CDR2L: variants seen among roughly 807,000 people sequenced by gnomAD.
CDR2L encodes cerebellar degeneration-related protein 2-like.
A neutral mutation model predicts 36.1 loss-of-function variants in CDR2L; 19 were observed. The ratio of observed to expected loss-of-function variants is 0.53; its 90% confidence interval spans 0.37 to 0.77. CDR2L has a LOEUF of 0.77. Among genes scored for constraint, CDR2L ranks in the 30% least tolerant of loss-of-function variants. The pLI is 0.00. For synonymous variants in CDR2L, 285 were observed against 280.4 expected, an observed-to-expected ratio of 1.02 and a Z score of -0.16; for missense variants, 575 against 627.2, an observed-to-expected ratio of 0.92 and a Z score of 0.89.
intron 1 of CDR2L, among the ~76,000 whole-genome samples, chr17:74,998,266 G>T (rs897990007): frequency 6.6e-6 from 1 of 151,890 alleles, no homozygotes; most frequent in African/African-American, 2.4e-5. Flanking sequence ...CCCAGCAACC[G>T]ATATTATAGT....
In CDR2L at chr17:74,991,489, G is replaced by A. The variant is rs1037623252; in HGVS notation, c.79+3367G>A. Among the ~76,000 whole-genome samples the A allele has an allele frequency of 6.0e-5, 9 of 150,884 alleles. No individual in the cohort carries two copies. The South Asian group carries it at 6.3e-4, about 11-fold the overall frequency. On this transcript the variant is annotated intron_variant, in intron 1 of 4. Coordinates refer to ENST00000337231, the MANE Select transcript of CDR2L (RefSeq NM_014603.3). ...TCCCAGCACTTTGGGAGGCCGAGGCGGATGGATCACAACATCAGGAGATCG... is the reference window on the plus strand; with the variant it reads ...TCCCAGCACTTTGGGAGGCCGAGGCAGATGGATCACAACATCAGGAGATCG...
chr17:75,001,625 G>T, intron 3 of CDR2L, 136 bp downstream of exon 3: 1 of 833,146 alleles, frequency 1.2e-6, no homozygotes. Context: ...GCTTGTCCTT[G>T]TCGATTTTGT....
chr17:74,989,935 G>A lies in CDR2L; in HGVS notation c.79+1813G>A, dbSNP rs1470044737. 2.6e-5 allele frequency among the ~76,000 whole-genome samples: 4 copies of A among 152,146 alleles called. No homozygotes were observed. Among genetic ancestry groups the A allele is most frequent in the Non-Finnish European group, 4.4e-5 (3 of 68,028 alleles). ...ATTACAGGCGTGAGCCACCACGCCC[G>A]GCTGGTGGCACAGTATTATGGGCAG... On this transcript the variant is annotated intron_variant, in intron 1 of 4. Coordinates refer to ENST00000337231, the MANE Select transcript of CDR2L (RefSeq NM_014603.3). The surrounding 1 kb of genome is among the most constrained non-coding windows in gnomAD (Gnocchi z 4.2).
In CDR2L at chr17:74,987,842, C is replaced by A; in HGVS notation, c.-202C>A. On this transcript the variant is annotated 5_prime_UTR_variant, in exon 1 of 5. Transcript: ENST00000337231. ...CCCGGTGCCCCCGGCTCTGCGGGACCCCGGCCGGGCCGGACCCTGGCAAAG... is the reference window on the plus strand; with the variant it reads ...CCCGGTGCCCCCGGCTCTGCGGGACACCGGCCGGGCCGGACCCTGGCAAAG... 1 of 260,690 alleles carries A rather than the reference C, an allele frequency of 3.8e-6. No individual in the cohort carries two copies. The highest frequency in any genetic ancestry group is 7.2e-6 in the Non-Finnish European group (1 of 138,082). The allele number at this position is 260,690 out of a possible 1,614,324, so 16.1% of individuals were successfully genotyped here.
At position 75,002,134 on chromosome 17, in the gene CDR2L, G is replaced by C; in HGVS notation, c.412G>C (p.Gly138Arg). The C allele has an allele frequency of 6.2e-7, 1 of 1,604,248 alleles. No homozygotes were observed. Among genetic ancestry groups the C allele is most frequent in the Non-Finnish European group, 8.5e-7 (1 of 1,175,912 alleles). The change falls in exon 4 of 5, where the codon GGC (glycine) becomes CGC (arginine). Residue 138 changes from glycine to arginine, a missense_variant. Gly to Arg is a moderately radical substitution (Grantham distance 125, BLOSUM62 -2). Transcript: ENST00000337231. This position sits in a 1 kb window ranked among gnomAD's most constrained non-coding sequence, Gnocchi z 4.1. ...GCAGGCCCAGGTGGAGCAACTGAGA[G>C]GCCTGGAACAGCTGCGAGTGCTCCG... ...ELQAQVEQLR[G>R]LEQLRVLREK...
chr17:75,002,343 T>G lies in CDR2L; in HGVS notation c.506+115T>G. The G allele has an allele frequency of 1.1e-5, 10 of 889,486 alleles. No homozygotes were observed. The highest frequency in any genetic ancestry group is 1.7e-5 in the Non-Finnish European group (10 of 588,512). The allele number at this position is 889,486 out of a possible 1,614,324, so 55.1% of individuals were successfully genotyped here. Reference sequence around the variant, plus strand: ...TCCAGGCCATCAGAGAGACTGGTCCTGTTGCTAATGACAGTCACAGCAGCT... The same window carrying G: ...TCCAGGCCATCAGAGAGACTGGTCCGGTTGCTAATGACAGTCACAGCAGCT... On this transcript the variant is annotated intron_variant, in intron 4 of 4. Transcript: ENST00000337231. This position sits in a 1 kb window ranked among gnomAD's most constrained non-coding sequence, Gnocchi z 4.1.
At chr17:74,992,585 G>T (rs1320377547) in intron 1 of CDR2L, among the ~76,000 whole-genome samples, 4 of 152,030 alleles carry the variant, frequency 2.6e-5, no homozygotes, top group African/African-American at 9.7e-5. Flanking sequence ...CTAGTACTTG[G>T]CTCCACTCAG....
intron 1 of CDR2L, 112 bp from the exon 2 acceptor site, chr17:74,999,392 G>A: frequency 1.5e-6 from 1 of 679,308 alleles, no homozygotes. Context: ...CTCCTCCCAG[G>A]CCTGGAGGCT....
At chr17:75,001,283 C>T (rs1435364009) in intron 2 of CDR2L, 58 bp from the exon 3 acceptor site, 18 of 1,522,130 alleles carry the variant, frequency 1.2e-5, no homozygotes, top group Admixed American at 2.1e-5. Flanking sequence ...AGGGTCTAGG[C>T]AGAGACATTT....
In CDR2L at chr17:74,988,021, A is replaced by G. The variant is rs2039773926; in HGVS notation, c.-23A>G. 1 of 1,497,474 alleles carries G rather than the reference A, an allele frequency of 6.7e-7. No homozygotes were observed. The highest frequency in any genetic ancestry group is 1.3e-5 in the South Asian group (1 of 79,806). 92.8% of individuals were successfully genotyped at this position (1,497,474 alleles called of 1,614,324 possible). A position where few individuals can be genotyped will look rare whatever the true frequency, so the allele number is the denominator to read the frequency against. Reference sequence around the variant, plus strand: ...CGGCCCTGAGCTGCGCCGCCGCAGCACCCGCCCGCCGCCCGCGGGGCCATG... The same window carrying G: ...CGGCCCTGAGCTGCGCCGCCGCAGCGCCCGCCCGCCGCCCGCGGGGCCATG... On this transcript the variant is annotated 5_prime_UTR_variant, in exon 1 of 5. Transcript: ENST00000337231.
At position 74,999,325 on chromosome 17, in the gene CDR2L, C is replaced by CACACAAAAAA. The variant is rs368672422; in HGVS notation, c.80-178_80-177insCACAAAAAAA. Among the ~76,000 whole-genome samples the CACACAAAAAA allele has an allele frequency of 8.0e-4, 121 of 151,088 alleles. 2 individuals are homozygous for CACACAAAAAA. The East Asian group carries it at 0.012, about 14-fold the overall frequency. On this transcript the variant is annotated intron_variant, in intron 1 of 4. Transcript: ENST00000337231. ...ACACACACACACACACAGACACACA[C>CACACAAAAAA]AAAAAGAACATTCCAGGCAGAAATA...
intron 1 of CDR2L, among the ~76,000 whole-genome samples, chr17:74,991,212 G>A (rs2039794639): frequency 6.6e-6 from 1 of 150,734 alleles, no homozygotes; most frequent in African/African-American, 2.4e-5. Flanking sequence ...AGACTAGCCT[G>A]ACCAACATGG....
intron 2 of CDR2L, among the ~76,000 whole-genome samples, chr17:75,000,387 C>T (rs1201698432): frequency 6.6e-6 from 1 of 150,866 alleles, no homozygotes; most frequent in Non-Finnish European, 1.5e-5. Flanking sequence ...AGCTCTGCCT[C>T]CCGGGTTCAC....
At position 74,989,218 on chromosome 17, in the gene CDR2L, C is replaced by G. The variant is rs952894176; in HGVS notation, c.79+1096C>G. Among the ~76,000 whole-genome samples the G allele has an allele frequency of 6.6e-6, 1 of 152,154 alleles. No individual in the cohort carries two copies. Among genetic ancestry groups the G allele is most frequent in the African/African-American group, 2.4e-5 (1 of 41,424 alleles). On this transcript the variant is annotated intron_variant, in intron 1 of 4. Coordinates refer to ENST00000337231, the MANE Select transcript of CDR2L (RefSeq NM_014603.3). The surrounding 1 kb of genome is among the most constrained non-coding windows in gnomAD (Gnocchi z 4.2). ...CAGCAGCTATCCGGATTCTGAAGCCCCTGACCTACTTCCCCACATGGCCAA... is the reference window on the plus strand; with the variant it reads ...CAGCAGCTATCCGGATTCTGAAGCCGCTGACCTACTTCCCCACATGGCCAA...
At chr17:74,992,357 GT>G (rs202186494) in intron 1 of CDR2L, among the ~76,000 whole-genome samples, 1,916 of 145,294 alleles carry the variant, frequency 0.013, 34 homozygotes, top group African/African-American at 0.044. Flanking sequence ...ACTTAATGTT[GT>G]TTTTTTTTTT....
Position 74,989,885 on chromosome 17 carries a change from C to T in CDR2L, c.79+1763C>T, listed in dbSNP as rs868242334. On this transcript the variant is annotated intron_variant, in intron 1 of 4. Transcript: ENST00000337231. This position sits in a 1 kb window ranked among gnomAD's most constrained non-coding sequence, Gnocchi z 4.2. Reference sequence around the variant, plus strand: ...AACTCCTGACCTCAGATGATCCACCCGCCTTGGCCTCCCGAAGTGCTGGGA... The same window carrying T: ...AACTCCTGACCTCAGATGATCCACCTGCCTTGGCCTCCCGAAGTGCTGGGA... Among the ~76,000 whole-genome samples, 5 of 152,160 alleles carry T rather than the reference C, an allele frequency of 3.3e-5. No individual in the cohort carries two copies. Among genetic ancestry groups the T allele is most frequent in the Non-Finnish European group, 7.3e-5 (5 of 68,036 alleles).
chr17:75,002,424 C>A lies in CDR2L; in HGVS notation c.506+196C>A, dbSNP rs2039872991. Among the ~76,000 whole-genome samples, 1 of 152,170 alleles carries A rather than the reference C, an allele frequency of 6.6e-6. No homozygotes were observed. Among genetic ancestry groups the A allele is most frequent in the South Asian group, 2.1e-4 (1 of 4,836 alleles). ...CACTATGCTGATATAATTCTTATTG[C>A]AACACTGTTGGGGGTGTTTTATTAT... On this transcript the variant is annotated intron_variant, in intron 4 of 4. Transcript: ENST00000337231. This position sits in a 1 kb window ranked among gnomAD's most constrained non-coding sequence, Gnocchi z 4.1.
Position 74,995,946 on chromosome 17 carries a change from C to T in CDR2L, c.80-3558C>T, listed in dbSNP as rs781351080. On this transcript the variant is annotated intron_variant, in intron 1 of 4. Transcript: ENST00000337231. Reference sequence around the variant, plus strand: ...TGCTCTAACGACCTCTTTGAGGACCCGCTCTCTCCCACCCTTCTCCGTCTC... The same window carrying T: ...TGCTCTAACGACCTCTTTGAGGACCTGCTCTCTCCCACCCTTCTCCGTCTC... Among the ~76,000 whole-genome samples the T allele has an allele frequency of 5.6e-4, 85 of 151,934 alleles. 1 individual carries two copies. Among genetic ancestry groups the T allele is most frequent in the South Asian group, 2.1e-4 (1 of 4,822 alleles).
At position 75,003,485 on chromosome 17, in the gene CDR2L, A is replaced by T; in HGVS notation, c.809A>T (p.His270Leu). The T allele has an allele frequency of 1.9e-6, 3 of 1,561,312 alleles. No individual in the cohort carries two copies. Among genetic ancestry groups the T allele is most frequent in the Non-Finnish European group, 2.6e-6 (3 of 1,153,652 alleles). The change falls in exon 5 of 5, where the codon CAC becomes CTC. Residue 270 changes from histidine to leucine, a missense_variant. Coordinates refer to ENST00000337231, the MANE Select transcript of CDR2L (RefSeq NM_014603.3). ...AKTYLLGPDDHLAEALLAPLT... is the reference protein window; with the variant it reads ...AKTYLLGPDDLLAEALLAPLT... ...ACCTACCTACTGGGTCCGGACGACC[A>T]CCTGGCCGAGGCCCTGCTCGCACCC...
Sources: allele counts gnomAD v4.1 joint callset (sites outside exome capture counted in the v4.1 genomes callset), GRCh38; gene constraint gnomAD v4.1.1; non-coding constraint Gnocchi (gnomAD v3.1); transcripts MANE v1.5; gene names NCBI Gene and HGNC (gene_info 2026-07-23, HGNC 2026-07-21).